Variants in EXOC4 observed in about 807,000 individuals in gnomAD.
The protein encoded by EXOC4 is exocyst complex component 4.
Under a neutral mutation model 107.2 loss-of-function variants are expected in EXOC4, and 71 were observed. That is an observed-to-expected ratio of 0.66 (90% CI 0.55 to 0.81). EXOC4 has a LOEUF of 0.81. EXOC4 is among the 30% of genes least tolerant of loss of function. EXOC4 has a pLI of 0.00. For missense variants in EXOC4, 1,108 were observed against 1,189.6 expected (o/e 0.93, Z 1.01); for synonymous variants, 456 against 441.2 (o/e 1.03, Z -0.42).
intron 10 of EXOC4, among the ~76,000 whole-genome samples, chr7:133,667,780 A>G (rs138977870): frequency 2.1e-4 from 32 of 152,322 alleles, no homozygotes; most frequent in African/African-American, 7.7e-4. Context: ...TCACTCACTC[A>G]GTTTTGGAAC....
chr7:133,575,162 C>T (rs973297831), intron 9 of EXOC4, among the ~76,000 whole-genome samples: 1 of 152,118 alleles, frequency 6.6e-6, no homozygotes, highest in Non-Finnish European at 1.5e-5. Flanking sequence ...AGAGTTACCC[C>T]TTGTGGCTTC....
chr7:133,566,521 A>G (rs1800909048), intron 9 of EXOC4, among the ~76,000 whole-genome samples: 1 of 152,142 alleles, frequency 6.6e-6, no homozygotes, highest in Admixed American at 6.5e-5. Context: ...AATTGTTAAG[A>G]CATTGTTAAC....
intron 17 of EXOC4, among the ~76,000 whole-genome samples, chr7:134,044,350 T>C (rs916535010): frequency 1.3e-5 from 2 of 152,212 alleles, no homozygotes; most frequent in African/African-American, 4.8e-5. Context: ...AGACTAATTC[T>C]GAAGGTAGCA....
In EXOC4 at chr7:134,034,574, A is replaced by G. The variant is rs1795345717; in HGVS notation, c.2687+26739A>G. On this transcript the variant is annotated intron_variant, in intron 17 of 17. Transcript: ENST00000253861. ...TTTATAAGGAGCTCTTCCCCCTTCG[A>G]TCAGCACTTCTCCTTCCTGCAGCTT... is the stretch of plus-strand genomic sequence containing the variant. Among the ~76,000 whole-genome samples the G allele has an allele frequency of 2.0e-5, 3 of 152,160 alleles. 1 individual carries two copies. The highest frequency in any genetic ancestry group is 1.3e-4 in the Admixed American group (2 of 15,280).
intron 10 of EXOC4, among the ~76,000 whole-genome samples, chr7:133,765,429 G>A (rs752563417): frequency 1.9e-4 from 29 of 151,970 alleles, no homozygotes; most frequent in Non-Finnish European, 3.2e-4. Context: ...AACCCAAGGC[G>A]AATAGAATAC....
intron 14 of EXOC4, among the ~76,000 whole-genome samples, chr7:133,961,905 T>C (rs1057352337): frequency 6.6e-6 from 1 of 152,178 alleles, no homozygotes; most frequent in Non-Finnish European, 1.5e-5. Context: ...TGCACTCTAA[T>C]GTGGTACCTC....
intron 10 of EXOC4, among the ~76,000 whole-genome samples, chr7:133,652,967 T>C (rs1585056086): frequency 6.6e-6 from 1 of 152,186 alleles, no homozygotes; most frequent in Non-Finnish European, 1.5e-5. Context: ...ATAGGAATTG[T>C]AGGAATTTAA....
intron 9 of EXOC4, among the ~76,000 whole-genome samples, chr7:133,554,239 A>G (rs1800649588): frequency 6.6e-6 from 1 of 152,092 alleles, no homozygotes; most frequent in Admixed American, 6.5e-5. Flanking sequence ...GAAATGTTTT[A>G]TTTTATTTCT....
rs115003333 is a variant in EXOC4, at chr7:133,648,681, T to C, written c.1514+18540T>C. ...TTACATGAGGAGGAGTAGATACATT[T>C]ATATATTTATTTGGAAAAGGTCGAA... On this transcript the variant is annotated intron_variant, in intron 10 of 17. Transcript: ENST00000253861. 5.4e-3 allele frequency among the ~76,000 whole-genome samples: 822 copies of C among 152,306 alleles called. 9 individuals carry two copies. Among genetic ancestry groups the C allele is most frequent in the Non-Finnish European group, 6.2e-3 (424 of 68,012 alleles).
At chr7:133,506,685 A>C (rs985178784) in intron 9 of EXOC4, among the ~76,000 whole-genome samples, 1 of 152,096 alleles carries the variant, frequency 6.6e-6, no homozygotes, top group African/African-American at 2.4e-5. Context: ...TTCTTTCAAA[A>C]TCTATGGAAA....
chr7:133,651,893 C>T (rs1374155009), intron 10 of EXOC4, among the ~76,000 whole-genome samples: 1 of 152,112 alleles, frequency 6.6e-6, no homozygotes, highest in African/African-American at 2.4e-5. Flanking sequence ...CCATGTTGGC[C>T]AGGCTGGTCT....
chr7:133,739,671 C>A (rs556189741), intron 10 of EXOC4, among the ~76,000 whole-genome samples: 1 of 152,310 alleles, frequency 6.6e-6, no homozygotes, highest in East Asian at 1.9e-4. Flanking sequence ...TACTTCCACC[C>A]TTCACTGCTC....
At chr7:133,747,492 G>A (rs1795701072) in intron 10 of EXOC4, among the ~76,000 whole-genome samples, 1 of 151,948 alleles carries the variant, frequency 6.6e-6, no homozygotes, top group Non-Finnish European at 1.5e-5. Context: ...TTTAACTTGT[G>A]GTTAGAACGC....
Position 134,064,336 on chromosome 7 carries a change from C to A in EXOC4, c.2733C>A (p.Asn911Lys). Residue 911 changes from asparagine (N) to lysine (K), a missense_variant, in exon 18 of 18, where the codon AAC becomes AAA. Physicochemically the swap from Asn to Lys is moderately conservative, Grantham distance 94. Coordinates refer to ENST00000253861, the MANE Select transcript of EXOC4 (RefSeq NM_021807.4). ...ACAACACAGCTGACGAGCTCCTGAACCTGGTGGTGGACCAGGGTGTGAAGT... is the reference window on the plus strand; with the variant it reads ...ACAACACAGCTGACGAGCTCCTGAAACTGGTGGTGGACCAGGGTGTGAAGT... ...MLYNTADELL[N>K]LVVDQGVKYT... The A allele has an allele frequency of 6.6e-7, 1 of 1,514,038 alleles. No individual in the cohort carries two copies. Among genetic ancestry groups the A allele is most frequent in the Non-Finnish European group, 8.9e-7 (1 of 1,122,212 alleles). The allele number at this position is 1,514,038 out of a possible 1,614,324, so 93.8% of individuals were successfully genotyped here.
At chr7:133,489,363 C>T (rs1253596795) in intron 9 of EXOC4, among the ~76,000 whole-genome samples, 1 of 152,068 alleles carries the variant, frequency 6.6e-6, no homozygotes, top group Non-Finnish European at 1.5e-5. Flanking sequence ...TTTTAAGAAG[C>T]CTCTTAAAGC....
intron 14 of EXOC4, among the ~76,000 whole-genome samples, chr7:133,964,616 A>G (rs1371967966): frequency 6.6e-6 from 1 of 152,032 alleles, no homozygotes; most frequent in African/African-American, 2.4e-5. Context: ...GCTGAGAGTG[A>G]TGGTTTCCAG....
In EXOC4 at chr7:133,899,107, A is replaced by T. The variant is rs1799391751; in HGVS notation, c.1871+3372A>T. 3.3e-5 allele frequency among the ~76,000 whole-genome samples: 5 copies of T among 151,370 alleles called. No homozygotes were observed. In the South Asian group the frequency reaches 1.0e-3, roughly 32 times the overall value. ...TTAAATATAAAGCTTTTTTTTTTTAAGTAGGGCATGCCCTCTTTTTCTAGT... is the reference window on the plus strand; with the variant it reads ...TTAAATATAAAGCTTTTTTTTTTTATGTAGGGCATGCCCTCTTTTTCTAGT... On this transcript the variant is annotated intron_variant, in intron 12 of 17. Transcript: ENST00000253861.
intron 10 of EXOC4, among the ~76,000 whole-genome samples, chr7:133,689,111 G>A (rs747135684): frequency 9.2e-5 from 14 of 152,154 alleles, no homozygotes; most frequent in Non-Finnish European, 1.9e-4. Flanking sequence ...CAATTTCTCA[G>A]TGAATGGCTG....
intron 11 of EXOC4, among the ~76,000 whole-genome samples, chr7:133,882,120 G>C (rs1798979343): frequency 6.6e-6 from 1 of 152,106 alleles, no homozygotes; most frequent in Non-Finnish European, 1.5e-5. Context: ...TTCTGTGACT[G>C]GCTACTTTCA....
Sources: gnomAD v4.1 joint callset for allele counts (sites outside exome capture counted in the v4.1 genomes callset) on GRCh38, gnomAD v4.1.1 for gene constraint, MANE v1.5 for transcripts, NCBI Gene and HGNC (gene_info 2026-07-23, HGNC 2026-07-21) for gene names.